The following LUZP2 variants were observed in gnomAD, a reference collection of about 807,000 sequenced individuals.
LUZP2 encodes leucine zipper protein 2.
A neutral mutation model predicts 51.6 loss-of-function variants in LUZP2; 52 were observed. The ratio of observed to expected loss-of-function variants is 1.01; its 90% CI spans 0.81 to 1.27. The LOEUF (loss-of-function observed/expected upper bound fraction) is 1.27, where lower values mean the gene tolerates loss of function less well. LUZP2 is among the 50% of genes most tolerant of loss of function. The pLI is 0.00. For synonymous variants in LUZP2, 154 were observed against 137.3 expected, an observed-to-expected ratio of 1.12 and a Z score of -0.85; for missense variants, 436 against 395.4, an observed-to-expected ratio of 1.10 and a Z score of -0.87.
chr11:24,889,992 G>C (rs1338212158), intron 5 of LUZP2, among the ~76,000 whole-genome samples: 1 of 152,078 alleles, frequency 6.6e-6, no homozygotes, highest in Non-Finnish European at 1.5e-5. Context: ...CTTAGAATTG[G>C]ACAGAATAAA....
intron 9 of LUZP2, among the ~76,000 whole-genome samples, chr11:24,983,853 T>G (rs1182125170): frequency 1.3e-5 from 2 of 149,724 alleles, no homozygotes; most frequent in Non-Finnish European, 3.0e-5. Context: ...TTATCAGTAA[T>G]TTTTCAAAGT....
At chr11:24,614,783 A>G (rs1209101630) in intron 1 of LUZP2, among the ~76,000 whole-genome samples, 2 of 151,958 alleles carry the variant, frequency 1.3e-5, no homozygotes, top group Non-Finnish European at 2.9e-5. Context: ...GTCCATTACT[A>G]TCTTTTGCTT....
intron 1 of LUZP2, among the ~76,000 whole-genome samples, chr11:24,620,758 C>T (rs1854467243): frequency 6.6e-6 from 1 of 152,198 alleles, no homozygotes; most frequent in African/African-American, 2.4e-5. Flanking sequence ...CACACTCTCA[C>T]ACACATACAC....
intron 1 of LUZP2, among the ~76,000 whole-genome samples, chr11:24,643,797 A>G (rs1855382489): frequency 6.6e-6 from 1 of 152,200 alleles, no homozygotes; most frequent in Non-Finnish European, 1.5e-5. Flanking sequence ...TTTGTACACT[A>G]TCTTTATAAG....
intron 5 of LUZP2, among the ~76,000 whole-genome samples, chr11:24,884,611 G>A (rs891823142): frequency 6.6e-6 from 1 of 151,822 alleles, no homozygotes; most frequent in African/African-American, 2.4e-5. Flanking sequence ...ATCTCTCTTC[G>A]TTCGTCAGTC....
intron 7 of LUZP2, among the ~76,000 whole-genome samples, chr11:24,964,670 A>G (rs894173981): frequency 1.3e-5 from 2 of 152,114 alleles, no homozygotes; most frequent in African/African-American, 4.8e-5. Flanking sequence ...ACTACCTCCT[A>G]GAACACTTCA....
intron 5 of LUZP2, among the ~76,000 whole-genome samples, chr11:24,812,945 C>T (rs1484204798): frequency 6.6e-6 from 1 of 152,212 alleles, no homozygotes; most frequent in East Asian, 1.9e-4. Context: ...TCATTTTTGC[C>T]CTGGTTTGTG....
chr11:24,774,171 C>T (rs1224475463), intron 5 of LUZP2, among the ~76,000 whole-genome samples: 5 of 151,708 alleles, frequency 3.3e-5, no homozygotes, highest in Non-Finnish European at 4.4e-5. Context: ...CCTAGCCTCT[C>T]AACCTACATC....
intron 1 of LUZP2, among the ~76,000 whole-genome samples, chr11:24,564,978 T>C (rs1852167562): frequency 6.6e-6 from 1 of 152,192 alleles, no homozygotes; most frequent in African/African-American, 2.4e-5. Flanking sequence ...TCTACTTTAG[T>C]GATCCCAGAT....
At chr11:24,561,071 A>C (rs1249217795) in intron 1 of LUZP2, among the ~76,000 whole-genome samples, 1 of 152,188 alleles carries the variant, frequency 6.6e-6, no homozygotes, top group Non-Finnish European at 1.5e-5. Context: ...AAATTTGACA[A>C]ACAATGTTGA....
At chr11:24,578,886 C>T (rs1852753818) in intron 1 of LUZP2, among the ~76,000 whole-genome samples, 1 of 151,982 alleles carries the variant, frequency 6.6e-6, no homozygotes, top group South Asian at 2.1e-4. Flanking sequence ...GCAATATACC[C>T]AGGTAACAAA....
chr11:24,789,179 C>T (rs1849335938), intron 5 of LUZP2, among the ~76,000 whole-genome samples: 1 of 152,130 alleles, frequency 6.6e-6, no homozygotes, highest in South Asian at 2.1e-4. Context: ...TTTGTTCTTT[C>T]ATCATTTGGC....
intron 9 of LUZP2, among the ~76,000 whole-genome samples, chr11:25,025,390 T>C (rs1172992374): frequency 6.6e-6 from 1 of 152,144 alleles, no homozygotes; most frequent in Non-Finnish European, 1.5e-5. Flanking sequence ...TCTTACAATC[T>C]ACCCATCTGA....
chr11:24,976,458 A>C lies in LUZP2; in HGVS notation c.523-133A>C, dbSNP rs570791819. On this transcript the variant is annotated intron_variant, in intron 7 of 11. Transcript: ENST00000336930. ...GTATTTTTAAACTGAATTCTAAATG[A>C]ATCTTACAGGACACTGTTTTTTTTT... 12 of 500,254 alleles carry C rather than the reference A, an allele frequency of 2.4e-5. No homozygotes were observed. In the East Asian group the frequency reaches 3.7e-4, roughly 16 times the overall value. The allele number at this position is 500,254 out of a possible 1,614,324, so 31.0% of individuals were successfully genotyped here.
At chr11:24,547,275 A>C (rs1851583072) in intron 1 of LUZP2, among the ~76,000 whole-genome samples, 1 of 152,094 alleles carries the variant, frequency 6.6e-6, no homozygotes, top group Non-Finnish European at 1.5e-5. Context: ...ATCCTAAACA[A>C]AAAGAACAAG....
intron 4 of LUZP2, among the ~76,000 whole-genome samples, chr11:24,761,524 C>T (rs1859979188): frequency 6.6e-6 from 1 of 152,100 alleles, no homozygotes; most frequent in African/African-American, 2.4e-5. Flanking sequence ...TGGGAAAAAT[C>T]ATTCAAAGGA....
At chr11:24,623,941 A>G (rs1416335715) in intron 1 of LUZP2, among the ~76,000 whole-genome samples, 1 of 152,232 alleles carries the variant, frequency 6.6e-6, no homozygotes, top group Non-Finnish European at 1.5e-5. Flanking sequence ...TTTTGCCTCT[A>G]TATGATGATA....
intron 7 of LUZP2, among the ~76,000 whole-genome samples, chr11:24,950,029 A>G (rs1329337419): frequency 6.9e-6 from 1 of 145,920 alleles, no homozygotes; most frequent in African/African-American, 2.5e-5. Flanking sequence ...TAGGAGGGGC[A>G]GTAATGGGTG....
chr11:24,759,012 G>C (rs2716547), intron 4 of LUZP2, among the ~76,000 whole-genome samples: 118,711 of 152,032 alleles, frequency 0.78, 46,520 homozygotes, highest in East Asian at 0.88. Flanking sequence ...TATGGAAATA[G>C]AAACATTTAT....
Sources: gnomAD v4.1 joint callset for allele counts (sites outside exome capture counted in the v4.1 genomes callset) on GRCh38, gnomAD v4.1.1 for gene constraint, MANE v1.5 for transcripts, NCBI Gene and HGNC (gene_info 2026-07-23, HGNC 2026-07-21) for gene names.